BARHL1: variants seen among roughly 807,000 people sequenced by gnomAD.
The protein encoded by BARHL1 is BarH like homeobox 1.
BARHL1 carries 2 observed loss-of-function variants against 20.1 expected under a neutral mutation model. That is an observed-to-expected ratio of 0.10 (90% CI 0.04 to 0.31). The LOEUF (loss-of-function observed/expected upper bound fraction) is 0.31. Among genes scored for constraint, BARHL1 ranks in the 10% least tolerant of loss-of-function variants. BARHL1 has a pLI of 1.00. For missense variants in BARHL1, 397 were observed against 454.0 expected (o/e 0.87, Z 1.14); for synonymous variants, 213 against 209.9 (o/e 1.01, Z -0.13).
chr9:132,588,005 G>C (rs1367394234), intron 2 of BARHL1, among the ~76,000 whole-genome samples: 1 of 152,210 alleles, frequency 6.6e-6, no homozygotes, highest in Non-Finnish European at 1.5e-5. Flanking sequence ...CCGGGCAGCT[G>C]CCGCAGGGGC....
intron 1 of BARHL1, among the ~76,000 whole-genome samples, chr9:132,584,990 T>C (rs1478989782): frequency 1.3e-5 from 2 of 152,270 alleles, no homozygotes; most frequent in Non-Finnish European, 2.9e-5. Flanking sequence ...CCACCGCCCA[T>C]GCTAATGGCT....
At chr9:132,588,248 G>A (rs144925517) in intron 2 of BARHL1, among the ~76,000 whole-genome samples, 1 of 152,142 alleles carries the variant, frequency 6.6e-6, no homozygotes, top group Non-Finnish European at 1.5e-5. Flanking sequence ...GCCACACACC[G>A]ACACACACAT....
At position 132,582,876 on chromosome 9, in the gene BARHL1, C is replaced by A. The variant is rs147143563; in HGVS notation, c.79C>A (p.Pro27Thr). The change falls in exon 1 of 3, where the codon CCC becomes ACC. Residue 27 changes from proline to threonine, a missense_variant. By Grantham distance (38) the Pro-to-Thr change is conservative. Coordinates refer to ENST00000263610, the MANE Select transcript of BARHL1 (RefSeq NM_020064.4). ...CAGCCCCGCCCTTCCCAAGGGGGAC[C>A]CCTTGCTCGGGGACTGCCGTTCGCC... ...AGSPALPKGDPLLGDCRSPLE... is the reference protein window; with the variant it reads ...AGSPALPKGDTLLGDCRSPLE... 1.2e-6 allele frequency: 2 copies of A among 1,613,020 alleles called. No homozygotes were observed. The highest frequency in any genetic ancestry group is 1.7e-6 in the Non-Finnish European group (2 of 1,179,902).
Position 132,587,656 on chromosome 9 carries a change from A to C in BARHL1, c.689+105A>C. ...CAGGTTGGTGCTAAGGGAGGGCCCCAGAGCCTCCCCCATTCTGTAAAAGTG... is the reference window on the plus strand; with the variant it reads ...CAGGTTGGTGCTAAGGGAGGGCCCCCGAGCCTCCCCCATTCTGTAAAAGTG... On this transcript the variant is annotated intron_variant, in intron 2 of 2. Transcript: ENST00000263610. The surrounding 1 kb of genome is among the most constrained non-coding windows in gnomAD (Gnocchi z 5.5). 9.1e-7 allele frequency: 1 copy of C among 1,093,288 alleles called. No homozygotes were observed. 67.7% of individuals were successfully genotyped at this position (1,093,288 alleles called of 1,614,324 possible).
Position 132,589,646 on chromosome 9 carries a change from C to T in BARHL1, c.*124C>T. ...GGCCCTGCCCGGCCCTCCCTGGCGC[C>T]CCAGCCCAGTGCCCCCCGAAGGGCC... is the stretch of plus-strand genomic sequence containing the variant. On this transcript the variant is annotated 3_prime_UTR_variant, in exon 3 of 3. Transcript: ENST00000263610. 8.3e-7 allele frequency: 1 copy of T among 1,203,050 alleles called. No homozygotes were observed. The highest frequency in any genetic ancestry group is 1.6e-5 in the African/African-American group (1 of 62,880). 74.5% of individuals were successfully genotyped at this position (1,203,050 alleles called of 1,614,324 possible).
chr9:132,589,482 C>G lies in BARHL1; in HGVS notation c.944C>G (p.Pro315Arg), dbSNP rs960401083. 8 of 1,482,196 alleles carry G rather than the reference C, an allele frequency of 5.4e-6. No homozygotes were observed. The highest frequency in any genetic ancestry group is 4.1e-5 in the South Asian group (3 of 73,354). 91.8% of individuals were successfully genotyped at this position (1,482,196 alleles called of 1,614,324 possible). A position where few individuals can be genotyped will look rare whatever the true frequency, so the allele number is the denominator to read the frequency against. Residue 315 changes from proline (P) to arginine (R), a missense_variant, in exon 3 of 3, where the codon CCC (proline) becomes CGC (arginine). Pro to Arg is a moderately radical substitution (Grantham distance 103). Around this residue, in one of 3 missense-constraint regions of BARHL1, gnomAD observed 121 missense variants for 135.9 expected, o/e 0.89. Transcript: ENST00000263610. Reference sequence around the variant, plus strand: ...AGCGAGCCGCCCCCGCCGCTGCCCCCCCTGGCCGGCGTCCTCCCACGCGCC... The same window carrying G: ...AGCGAGCCGCCCCCGCCGCTGCCCCGCCTGGCCGGCGTCCTCCCACGCGCC... ...GASEPPPPLP[P>R]LAGVLPRAAQ...
At position 132,587,744 on chromosome 9, in the gene BARHL1, G is replaced by A. The variant is rs1033703043; in HGVS notation, c.689+193G>A. On this transcript the variant is annotated intron_variant, in intron 2 of 2. Transcript: ENST00000263610. This position sits in a 1 kb window ranked among gnomAD's most constrained non-coding sequence, Gnocchi z 5.5. ...AGTCCCCACAGCGAGGGACAGAGAT[G>A]AGACTAGACTTGGTGTCCAGCGTCC... is the stretch of plus-strand genomic sequence containing the variant. Among the ~76,000 whole-genome samples, 1 of 152,242 alleles carries A rather than the reference G, an allele frequency of 6.6e-6. No homozygotes were observed. The highest frequency in any genetic ancestry group is 2.4e-5 in the African/African-American group (1 of 41,468).
At position 132,589,465 on chromosome 9, in the gene BARHL1, G is replaced by GC; in HGVS notation, c.932dup (p.Pro312AlafsTer73). On this transcript the variant is annotated frameshift_variant, in exon 3 of 3. Transcript: ENST00000263610. LOFTEE classifies it low-confidence loss of function (END_TRUNC). Reference sequence around the variant, plus strand: ...ACGGACTCCAGGGCGCCAGCGAGCCGCCCCCGCCGCTGCCCCCCCTGGCCG... The same window carrying GC: ...ACGGACTCCAGGGCGCCAGCGAGCCGCCCCCCGCCGCTGCCCCCCCTGGCCG... 1 of 1,472,642 alleles carries GC rather than the reference G, an allele frequency of 6.8e-7. No homozygotes were observed. The highest frequency in any genetic ancestry group is 1.3e-5 in the South Asian group (1 of 74,484). The allele number at this position is 1,472,642 out of a possible 1,614,324, so 91.2% of individuals were successfully genotyped here.
Position 132,589,253 on chromosome 9 carries a change from G to A in BARHL1, c.715G>A (p.Val239Ile). ...GACTAAATGGAAGCGACAGACGGCCGTCGGGTTGGAGCTGCTGGCGGAGGC... is the reference window on the plus strand; with the variant it reads ...GACTAAATGGAAGCGACAGACGGCCATCGGGTTGGAGCTGCTGGCGGAGGC... The part of the protein sequence containing the change: ...RRTKWKRQTA[V>I]GLELLAEAGN... Residue 239 changes from valine (V) to isoleucine (I), a missense_variant, in exon 3 of 3, where the codon GTC (valine) becomes ATC (isoleucine). Around this residue, in one of 3 missense-constraint regions of BARHL1, gnomAD observed 121 missense variants for 135.9 expected, o/e 0.89. Coordinates refer to ENST00000263610, the MANE Select transcript of BARHL1 (RefSeq NM_020064.4). 3 of 1,612,180 alleles carry A rather than the reference G, an allele frequency of 1.9e-6. No homozygotes were observed. The highest frequency in any genetic ancestry group is 2.5e-6 in the Non-Finnish European group (3 of 1,179,370).
intron 1 of BARHL1, 89 bp downstream of exon 1, chr9:132,583,352 C>A (rs1034843228): frequency 3.3e-6 from 4 of 1,213,542 alleles, no homozygotes; most frequent in Admixed American, 2.5e-5. Context: ...GACATGCACT[C>A]GCTCACCTGG....
intron 2 of BARHL1, among the ~76,000 whole-genome samples, chr9:132,588,247 C>T (rs72767854): frequency 0.023 from 3,456 of 152,202 alleles, 56 homozygotes; most frequent in Non-Finnish European, 0.035. Flanking sequence ...AGCCACACAC[C>T]GACACACACA....
At chr9:132,583,546 C>A (rs191946292) in intron 1 of BARHL1, among the ~76,000 whole-genome samples, 2 of 152,332 alleles carry the variant, frequency 1.3e-5, no homozygotes, top group Admixed American at 1.3e-4. Context: ...TCGACTGGGA[C>A]CCCTGCCCTT....
chr9:132,589,400 C>T lies in BARHL1; in HGVS notation c.862C>T (p.Pro288Ser), dbSNP rs1434196815. The T allele has an allele frequency of 1.2e-6, 2 of 1,612,436 alleles. No homozygotes were observed. Among genetic ancestry groups the T allele is most frequent in the Non-Finnish European group, 1.7e-6 (2 of 1,179,726 alleles). ...GTACCGCGGCCCCAGCGCGCCGCCG[C>T]CTGCTCTCCAGAGACCTCTGGTGCC... ...YLYRGPSAPP[P>S]ALQRPLVPRI... The change falls in exon 3 of 3, where the codon CCT becomes TCT. Residue 288 changes from proline (P) to serine (S), a missense_variant. Around this residue, in one of 3 missense-constraint regions of BARHL1, gnomAD observed 121 missense variants for 135.9 expected, o/e 0.89. Coordinates refer to ENST00000263610, the MANE Select transcript of BARHL1 (RefSeq NM_020064.4).
chr9:132,587,868 C>T lies in BARHL1; in HGVS notation c.689+317C>T, dbSNP rs1232789173. On this transcript the variant is annotated intron_variant, in intron 2 of 2. Coordinates refer to ENST00000263610, the MANE Select transcript of BARHL1 (RefSeq NM_020064.4). This position sits in a 1 kb window ranked among gnomAD's most constrained non-coding sequence, Gnocchi z 5.5. ...GAGTGGGGGGAGGTCTGCCTGGAGC[C>T]CCCACCTGAGCCAGCGTGGGTCTTG... Among the ~76,000 whole-genome samples, 1 of 152,170 alleles carries T rather than the reference C, an allele frequency of 6.6e-6. No homozygotes were observed. Among genetic ancestry groups the T allele is most frequent in the African/African-American group, 2.4e-5 (1 of 41,438 alleles).
chr9:132,587,267 G>A lies in BARHL1; in HGVS notation c.467-62G>A. ...CGAGGTTACACAAACGCCACGGGCA[G>A]GAGCGGGAGGGCACCGGCGGCGGCT... On this transcript the variant is annotated intron_variant, in intron 1 of 2. Transcript: ENST00000263610. This position sits in a 1 kb window ranked among gnomAD's most constrained non-coding sequence, Gnocchi z 5.5. 8.3e-6 allele frequency: 12 copies of A among 1,448,650 alleles called. No individual in the cohort carries two copies. The South Asian group carries it at 1.3e-4, about 15-fold the overall frequency. 89.7% of individuals were successfully genotyped at this position (1,448,650 alleles called of 1,614,324 possible).
At position 132,583,177 on chromosome 9, in the gene BARHL1, G is replaced by A. The variant is rs942785515; in HGVS notation, c.380G>A (p.Gly127Asp). 6.2e-7 allele frequency: 1 copy of A among 1,613,520 alleles called. No individual in the cohort carries two copies. Among genetic ancestry groups the A allele is most frequent in the Non-Finnish European group, 8.5e-7 (1 of 1,179,936 alleles). The change falls in exon 1 of 3, where the codon GGC (glycine) becomes GAC (aspartate). Residue 127 changes from glycine (G) to aspartate (D), a missense_variant. Gly to Asp is a moderately conservative substitution (Grantham distance 94). Coordinates refer to ENST00000263610, the MANE Select transcript of BARHL1 (RefSeq NM_020064.4). ...SGQPAAPEPG[G>D]RLAAKAAEDF... ...CAGCCGGCAGCCCCTGAGCCTGGGG[G>A]CCGCCTTGCGGCCAAGGCCGCGGAG... is the stretch of plus-strand genomic sequence containing the variant.
chr9:132,583,604 C>G (rs1350258443), intron 1 of BARHL1, among the ~76,000 whole-genome samples: 1 of 152,228 alleles, frequency 6.6e-6, no homozygotes, highest in African/African-American at 2.4e-5. Flanking sequence ...GCCAGTGGCT[C>G]TCTAGGAAGA....
Position 132,583,054 on chromosome 9 carries a change from C to G in BARHL1, c.257C>G (p.Pro86Arg). The G allele has an allele frequency of 1.2e-6, 2 of 1,613,866 alleles. No individual in the cohort carries two copies. Among genetic ancestry groups the G allele is most frequent in the Non-Finnish European group, 1.7e-6 (2 of 1,179,956 alleles). ...SHLQPGQLSA[P>R]AQSRTVTSSF... ...CTGCAGCCCGGGCAGCTCTCAGCCC[C>G]GGCCCAGTCGCGCACCGTCACCTCC... The change falls in exon 1 of 3, where the codon CCG (proline) becomes CGG (arginine). Residue 86 changes from proline (P) to arginine (R), a missense_variant. By Grantham distance (103) the Pro-to-Arg change is moderately radical (BLOSUM62 -2). Transcript: ENST00000263610.
intron 2 of BARHL1, among the ~76,000 whole-genome samples, chr9:132,588,469 G>A (rs570917042): frequency 1.0e-3 from 157 of 152,280 alleles, no homozygotes; most frequent in Non-Finnish European, 1.7e-3. Context: ...TTCAGGGAGG[G>A]AAACAGGGCT....
Sources: gnomAD v4.1 joint callset for allele counts (sites outside exome capture counted in the v4.1 genomes callset) on GRCh38, gnomAD v4.1.1 for gene constraint, gnomAD v4.1.1 regional missense constraint, Gnocchi (gnomAD v3.1) non-coding constraint, MANE v1.5 for transcripts, NCBI Gene and HGNC (gene_info 2026-07-23, HGNC 2026-07-21) for gene names.